PNPLA7: variants seen among roughly 807,000 people sequenced by gnomAD.
PNPLA7 encodes the protein patatin like domain 7, lysophospholipase.
PNPLA7 carries 153 observed loss-of-function variants against 161.7 expected under a neutral mutation model. The observed-to-expected ratio is 0.95, with a 90% CI of 0.83 to 1.08. The LOEUF is 1.08. Among genes scored for constraint, PNPLA7 ranks in the 50% least tolerant of loss-of-function variants. The probability of loss-of-function intolerance (pLI) is 0.00; values close to 1 mark genes in which losing one functional copy is unlikely to be tolerated. For missense variants in PNPLA7, 1,739 were observed against 1,856.6 expected (o/e 0.94, Z 1.16); for synonymous variants, 809 against 782.1 (o/e 1.03, Z -0.57).
intron 8 of PNPLA7, 136 bp from the exon 9 acceptor site, chr9:137,522,993 G>C: frequency 7.8e-7 from 1 of 1,274,282 alleles, no homozygotes; most frequent in East Asian, 2.4e-5. Context: ...CCCAGGCTGG[G>C]CTGTGCAAAG....
Position 137,504,994 on chromosome 9 carries a change from G to T in PNPLA7, c.1473+620C>A, listed in dbSNP as rs563169676. Among the ~76,000 whole-genome samples, 5 of 152,178 alleles carry T rather than the reference G, an allele frequency of 3.3e-5. No homozygotes were observed. In the East Asian group the frequency reaches 9.7e-4, roughly 29 times the overall value. On this transcript the variant is annotated intron_variant, in intron 14 of 34. Transcript: ENST00000406427. ...ATTTGAGGTCAGGAGTTCGAGACCA[G>T]CCTGGCCAACATGGTGAAACCCCGT...
chr9:137,518,828 A>C (rs1188054170), intron 11 of PNPLA7, among the ~76,000 whole-genome samples: 7 of 70,088 alleles, frequency 1.0e-4, no homozygotes, highest in African/African-American at 3.3e-4. Context: ...CCACTCACTC[A>C]CTCCACTCTA....
rs891340932 is a variant in PNPLA7 at position 137,500,723 on chromosome 9, G to A, written c.1725C>T (p.Ser575=). The part of the protein sequence containing the change: ...IFTVKANRDC[S]FLSISKAHFY... ...AGTGGGCCTTGGAGATGGACAGGAA[G>A]CTGCAGTCCCTGTTGGCCTTGACGG... Residue 575 remains serine (S), a synonymous_variant, in exon 16 of 35, where the codon AGC becomes AGT. Transcript: ENST00000406427. This position sits in a 1 kb window ranked among gnomAD's most constrained non-coding sequence, Gnocchi z 5.5. 6.2e-7 allele frequency: 1 copy of A among 1,612,514 alleles called. No homozygotes were observed. Among genetic ancestry groups the A allele is most frequent in the Non-Finnish European group, 8.5e-7 (1 of 1,179,868 alleles).
At chr9:137,497,354 C>T (rs1451031392) in intron 17 of PNPLA7, 44 bp from the exon 18 acceptor site, 4 of 1,455,718 alleles carry the variant, frequency 2.7e-6, no homozygotes, top group Non-Finnish European at 3.7e-6. Context: ...CCCCCAGCCT[C>T]AGCCTCCACA....
At chr9:137,539,287 G>A (rs960363744) in intron 8 of PNPLA7, among the ~76,000 whole-genome samples, 7 of 152,134 alleles carry the variant, frequency 4.6e-5, no homozygotes, top group African/African-American at 1.7e-4. Flanking sequence ...AGGTTACAGT[G>A]AGCCAAGATT....
chr9:137,527,420 A>G (rs1011722405), intron 8 of PNPLA7, among the ~76,000 whole-genome samples: 1 of 152,082 alleles, frequency 6.6e-6, no homozygotes, highest in African/African-American at 2.4e-5. Context: ...CCTTTATTCG[A>G]TTTAGGAAGT....
intron 17 of PNPLA7, among the ~76,000 whole-genome samples, chr9:137,497,828 A>G (rs568086282): frequency 6.6e-6 from 1 of 152,382 alleles, no homozygotes; most frequent in East Asian, 1.9e-4. Context: ...CGCCCAGCTA[A>G]TGGGGCCCTT....
chr9:137,525,662 G>A (rs1051978224), intron 8 of PNPLA7, among the ~76,000 whole-genome samples: 3 of 151,186 alleles, frequency 2.0e-5, no homozygotes, highest in Non-Finnish European at 4.4e-5. Flanking sequence ...TGTACAGGGC[G>A]TAACACGAAA....
chr9:137,518,441 CT>C (rs535676324), intron 11 of PNPLA7, among the ~76,000 whole-genome samples: 4 of 81,164 alleles, frequency 4.9e-5, no homozygotes, highest in African/African-American at 2.2e-4. Context: ...ACTGACTCCA[CT>C]CCATCCCCCA....
rs1013780168 is a variant in PNPLA7, at chr9:137,479,109, G to A, written c.2710C>T (p.Leu904=). 7.5e-6 allele frequency: 12 copies of A among 1,599,888 alleles called. No homozygotes were observed. Among genetic ancestry groups the A allele is most frequent in the Non-Finnish European group, 9.4e-6 (11 of 1,174,236 alleles). The part of the protein sequence containing the change: ...LNMRSWCSGH[L]HLCCPRRVFS... The stretch of plus-strand genomic sequence containing the variant: ...ACGCGGCGCGGGCAGCAGAGGTGCA[G>A]GTGGCCGGAGCACCAGCTCCGCATG... Residue 904 remains leucine, a synonymous_variant, in exon 24 of 35, where the codon CTG becomes TTG. Coordinates refer to ENST00000406427, the MANE Select transcript of PNPLA7 (RefSeq NM_001098537.3).
chr9:137,522,198 C>CA (rs1835037144), intron 9 of PNPLA7, among the ~76,000 whole-genome samples: 1 of 152,204 alleles, frequency 6.6e-6, no homozygotes, highest in Non-Finnish European at 1.5e-5. Context: ...CCTCAGCCTC[C>CA]CGAGTAGCTG....
Position 137,461,502 on chromosome 9 carries a change from C to T in PNPLA7, c.3841+34G>A, listed in dbSNP as rs1831194696. On this transcript the variant is annotated intron_variant, in intron 33 of 34. Transcript: ENST00000406427. ...CAACACAGCATCAGGAGGTCACGCA[C>T]GTCTCCACGGCTTCGTCTTGCGCCT... 5 of 1,586,822 alleles carry T rather than the reference C, an allele frequency of 3.2e-6. No individual in the cohort carries two copies. In the East Asian group the frequency reaches 6.7e-5, roughly 21 times the overall value.
In PNPLA7 at chr9:137,515,533, A is replaced by T. The variant is rs561057616; in HGVS notation, c.1085-14T>A. 3.3e-6 allele frequency: 5 copies of T among 1,527,098 alleles called. No homozygotes were observed. The East Asian group carries it at 1.2e-4, about 36-fold the overall frequency. 94.6% of individuals were successfully genotyped at this position (1,527,098 alleles called of 1,614,324 possible). A position where few individuals can be genotyped will look rare whatever the true frequency, so the allele number is the denominator to read the frequency against. On this transcript the variant is annotated splice_polypyrimidine_tract_variant and intron_variant, in intron 11 of 34. Coordinates refer to ENST00000406427, the MANE Select transcript of PNPLA7 (RefSeq NM_001098537.3). ...CGCCCCCGTGATCTGCTGGGGAGGC[A>T]GCCGTAAGCAACCTTGTTTGCACGC... is the stretch of plus-strand genomic sequence containing the variant.
intron 30 of PNPLA7, 93 bp downstream of exon 30, chr9:137,462,592 C>G: frequency 6.6e-7 from 1 of 1,515,626 alleles, no homozygotes; most frequent in Non-Finnish European, 8.9e-7. Flanking sequence ...GCCTCAGAGC[C>G]CAGGAGCGAC....
chr9:137,475,934 G>A (rs187904446), intron 25 of PNPLA7, among the ~76,000 whole-genome samples: 67 of 152,158 alleles, frequency 4.4e-4, no homozygotes, highest in African/African-American at 1.3e-3. Context: ...TTCCCCATGC[G>A]TCTTCTCCTA....
intron 18 of PNPLA7, 116 bp downstream of exon 18, chr9:137,497,071 C>A (rs1237381453): frequency 7.9e-7 from 1 of 1,265,690 alleles, no homozygotes; most frequent in Non-Finnish European, 1.0e-6. Flanking sequence ...CTACTACCAT[C>A]CACTCCTGGG....
chr9:137,548,345 G>A (rs1836655738), intron 1 of PNPLA7, among the ~76,000 whole-genome samples: 1 of 152,210 alleles, frequency 6.6e-6, no homozygotes, highest in African/African-American at 2.4e-5. Flanking sequence ...AACCGGATAG[G>A]GCAGGGGAAG....
intron 12 of PNPLA7, chr9:137,509,876 G>C (rs1445659507): frequency 2.9e-6 from 1 of 349,690 alleles, no homozygotes; most frequent in Non-Finnish European, 5.8e-6. Context: ...TCTTAGGTAT[G>C]ATTATATATG....
chr9:137,528,903 C>T (rs892580454), intron 8 of PNPLA7, among the ~76,000 whole-genome samples: 13 of 150,928 alleles, frequency 8.6e-5, no homozygotes, highest in East Asian at 2.0e-4. Flanking sequence ...GGTTTCACTG[C>T]GTTAGCCAGG....
Sources: gnomAD v4.1 joint callset for allele counts (sites outside exome capture counted in the v4.1 genomes callset) on GRCh38, gnomAD v4.1.1 for gene constraint, Gnocchi (gnomAD v3.1) non-coding constraint, MANE v1.5 for transcripts, NCBI Gene and HGNC (gene_info 2026-07-23, HGNC 2026-07-21) for gene names.